CCDC25: variants seen among roughly 807,000 people sequenced by gnomAD.
The protein encoded by CCDC25 is coiled-coil domain containing 25, also known as coiled-coil domain-containing protein 25.
CCDC25 carries 16 observed loss-of-function variants against 35.3 expected under a neutral mutation model. That is an observed-to-expected ratio of 0.45 (90% CI 0.31 to 0.69). The LOEUF (loss-of-function observed/expected upper bound fraction) is 0.69, where lower values mean the gene tolerates loss of function less well. Among genes scored for constraint, CCDC25 ranks in the 30% least tolerant of loss-of-function variants. The pLI is 0.06. For synonymous variants in CCDC25, 79 were observed against 80.3 expected (o/e 0.98, Z 0.09); for missense variants, 179 against 250.7 (o/e 0.71, Z 1.93).
Position 27,766,030 on chromosome 8 carries a change from G to A in CCDC25, c.29-779C>T, listed in dbSNP as rs1804389430. On this transcript the variant is annotated intron_variant, in intron 1 of 8. Transcript: ENST00000356537. ...AAATGATATTTGCTTTACCAAGGTG[G>A]TGTTTTATTGCAGACGTCCCTACCT... Among the ~76,000 whole-genome samples the A allele has an allele frequency of 3.9e-5, 6 of 152,224 alleles. No homozygotes were observed. In the South Asian group the frequency reaches 1.2e-3, roughly 31 times the overall value.
At chr8:27,749,630 A>C (rs1803724678) in intron 5 of CCDC25, among the ~76,000 whole-genome samples, 1 of 152,204 alleles carries the variant, frequency 6.6e-6, no homozygotes, top group African/African-American at 2.4e-5. Flanking sequence ...AAGAGAAGTA[A>C]ATACAGCGCA....
intron 1 of CCDC25, chr8:27,771,806 A>T (rs1451070937): frequency 6.6e-6 from 1 of 152,270 alleles, no homozygotes; most frequent in Non-Finnish European, 1.5e-5. Flanking sequence ...AAGATGGGCC[A>T]AAACTGTCTT....
chr8:27,757,320 G>T (rs1230557159), intron 3 of CCDC25, among the ~76,000 whole-genome samples: 1 of 152,198 alleles, frequency 6.6e-6, no homozygotes, highest in African/African-American at 2.4e-5. Flanking sequence ...GTCGAATAGA[G>T]AGCTGGAAGA....
intron 4 of CCDC25, among the ~76,000 whole-genome samples, chr8:27,755,638 A>G (rs1436448618): frequency 6.6e-6 from 1 of 152,168 alleles, no homozygotes; most frequent in Admixed American, 6.5e-5. Flanking sequence ...TCCAAACACT[A>G]CACTGGCCAG....
intron 5 of CCDC25, among the ~76,000 whole-genome samples, chr8:27,749,354 A>AT (rs1284332668): frequency 6.6e-6 from 1 of 152,232 alleles, no homozygotes; most frequent in Non-Finnish European, 1.5e-5. Context: ...TTAAATCCCC[A>AT]TGTACACTGG....
intron 4 of CCDC25, chr8:27,754,549 A>C (rs1468755635): frequency 6.6e-6 from 1 of 152,278 alleles, no homozygotes; most frequent in African/African-American, 2.4e-5. Flanking sequence ...AGAGTGCAGT[A>C]ATGTGATCAT....
chr8:27,768,048 A>AT (rs956008692), intron 1 of CCDC25, among the ~76,000 whole-genome samples: 1 of 98,400 alleles, frequency 1.0e-5, no homozygotes. Flanking sequence ...TAAAAAAAAA[A>AT]TTTTTTTAAT....
intron 7 of CCDC25, 85 bp from the exon 8 acceptor site, chr8:27,740,602 C>A (rs1465187566): frequency 9.3e-6 from 11 of 1,184,948 alleles, no homozygotes; most frequent in Non-Finnish European, 1.4e-5. Context: ...GTGTATCCAG[C>A]ACTGCTCAGG....
At chr8:27,736,392 C>T (rs376729280) in intron 8 of CCDC25, 147 bp from the exon 9 acceptor site, 13 of 651,076 alleles carry the variant, frequency 2.0e-5, no homozygotes, top group East Asian at 5.6e-5. Context: ...ATCACTTCTC[C>T]GCCTTAAGTT....
At chr8:27,750,568 C>A (rs1465386022) in intron 5 of CCDC25, among the ~76,000 whole-genome samples, 1 of 152,064 alleles carries the variant, frequency 6.6e-6, no homozygotes, top group Non-Finnish European at 1.5e-5. Context: ...GCAGAGGGAA[C>A]AATACAAGCC....
In CCDC25 at chr8:27,734,698, T is replaced by C. The variant is rs1030588358; in HGVS notation, c.*1518A>G. The C allele has an allele frequency of 1.3e-5, 2 of 152,156 alleles. No homozygotes were observed. Among genetic ancestry groups the C allele is most frequent in the Non-Finnish European group, 2.9e-5 (2 of 68,026 alleles). The allele number at this position is 152,156 out of a possible 1,614,324, so 9.4% of individuals were successfully genotyped here. ...TTGAGCCCCAGGACCTCTCATACTATAGTAAAAATATATGTATTTTTCAAA... is the reference window on the plus strand; with the variant it reads ...TTGAGCCCCAGGACCTCTCATACTACAGTAAAAATATATGTATTTTTCAAA... On this transcript the variant is annotated 3_prime_UTR_variant, in exon 9 of 9. Transcript: ENST00000356537.
intron 3 of CCDC25, among the ~76,000 whole-genome samples, chr8:27,760,483 T>A (rs1039324633): frequency 6.6e-6 from 1 of 152,154 alleles, no homozygotes; most frequent in Non-Finnish European, 1.5e-5. Flanking sequence ...AAAATGGAGA[T>A]AACCATGATG....
At chr8:27,745,489 CAA>C (rs1188496356) in intron 7 of CCDC25, among the ~76,000 whole-genome samples, 1 of 152,050 alleles carries the variant, frequency 6.6e-6, no homozygotes, top group Non-Finnish European at 1.5e-5. Context: ...TACAGTAACA[CAA>C]AAAGCCAAAT....
At chr8:27,762,661 T>C (rs1408691544) in intron 2 of CCDC25, among the ~76,000 whole-genome samples, 2 of 152,128 alleles carry the variant, frequency 1.3e-5, no homozygotes, top group Non-Finnish European at 2.9e-5. Flanking sequence ...TTATAATTTT[T>C]ATAAATTTAT....
rs1803683372 is a variant in CCDC25, at chr8:27,748,517, A to G, written c.326T>C (p.Ile109Thr). ...KKTADMDVGQ[I>T]GFHRQKDVKI... ...TACATCCTTCTGCCTGTGAAAGCCT[A>G]TCTGCCCCACATCCATGTCAGCTGT... is the stretch of plus-strand genomic sequence containing the variant. The change falls in exon 6 of 9, where the codon ATA becomes ACA. Residue 109 changes from isoleucine to threonine, a missense_variant. Transcript: ENST00000356537. The G allele has an allele frequency of 6.2e-7, 1 of 1,612,598 alleles. No individual in the cohort carries two copies. Among genetic ancestry groups the G allele is most frequent in the African/African-American group, 1.3e-5 (1 of 74,886 alleles).
intron 2 of CCDC25, among the ~76,000 whole-genome samples, chr8:27,762,874 G>A (rs1296575908): frequency 6.6e-6 from 1 of 151,846 alleles, no homozygotes; most frequent in Non-Finnish European, 1.5e-5. Context: ...TAAAATTACA[G>A]AAAATTTAAA....
intron 8 of CCDC25, among the ~76,000 whole-genome samples, chr8:27,739,415 T>C (rs188973790): frequency 6.6e-6 from 1 of 152,312 alleles, no homozygotes; most frequent in East Asian, 1.9e-4. Context: ...AGATGACTTG[T>C]AAGGGATCTT....
intron 3 of CCDC25, among the ~76,000 whole-genome samples, chr8:27,757,071 A>G (rs140856038): frequency 6.2e-4 from 95 of 152,336 alleles, no homozygotes; most frequent in African/African-American, 2.2e-3. Flanking sequence ...CAGTGATCAA[A>G]GGCTTCATGA....
chr8:27,756,640 T>G, intron 4 of CCDC25, 79 bp downstream of exon 4: 1 of 1,009,588 alleles, frequency 9.9e-7, no homozygotes, highest in Non-Finnish European at 1.6e-6. Context: ...CTGTAAGCAA[T>G]TTAATTGCAA....
Sources: allele counts gnomAD v4.1 joint callset (sites outside exome capture counted in the v4.1 genomes callset), GRCh38; gene constraint gnomAD v4.1.1; transcripts MANE v1.5; gene names NCBI Gene and HGNC (gene_info 2026-07-23, HGNC 2026-07-21).